Variants in ALX1 observed in about 807,000 individuals in gnomAD.
ALX1 encodes the protein ALX homeobox protein 1.
In ALX1, 19 loss-of-function variants were observed where a neutral mutation model predicts 31.7. That is an observed-to-expected ratio of 0.60 (90% CI 0.42 to 0.88). The LOEUF (loss-of-function observed/expected upper bound fraction) is 0.88, where lower values mean the gene tolerates loss of function less well. Ranked by LOEUF, ALX1 falls within the 40% of genes least tolerant of loss-of-function variation. The pLI, the probability that ALX1 is intolerant of heterozygous loss-of-function variation, is 0.00. For synonymous variants in ALX1, 153 were observed against 148.8 expected (o/e 1.03, Z -0.20); for missense variants, 415 against 407.8 (o/e 1.02, Z -0.15).
intron 3 of ALX1, among the ~76,000 whole-genome samples, chr12:85,295,541 T>G (rs896290657): frequency 9.2e-5 from 14 of 151,558 alleles, no homozygotes; most frequent in African/African-American, 2.9e-4. Context: ...ATGTAAACAT[T>G]ATGCCAAAGA....
chr12:85,281,678 T>C (rs1896676369), intron 1 of ALX1, among the ~76,000 whole-genome samples: 2 of 152,214 alleles, frequency 1.3e-5, no homozygotes, highest in South Asian at 2.1e-4. Flanking sequence ...GTGCAAATGA[T>C]AGAGAAAATA....
At chr12:85,288,905 A>G (rs1896782764) in intron 3 of ALX1, among the ~76,000 whole-genome samples, 1 of 151,470 alleles carries the variant, frequency 6.6e-6, no homozygotes, top group African/African-American at 2.4e-5. Flanking sequence ...AGAAATAACA[A>G]TAAAAATATA....
chr12:85,288,506 G>C (rs1363509252), intron 3 of ALX1, among the ~76,000 whole-genome samples: 1 of 151,430 alleles, frequency 6.6e-6, no homozygotes. Context: ...AGTGCCGTTA[G>C]TTTCTAAACA....
chr12:85,295,499 A>G (rs1289558492), intron 3 of ALX1, among the ~76,000 whole-genome samples: 5 of 151,604 alleles, frequency 3.3e-5, no homozygotes, highest in Non-Finnish European at 7.4e-5. Context: ...ATACATTTAT[A>G]TAGTATTAAA....
chr12:85,280,797 G>A (rs956493009), intron 1 of ALX1, among the ~76,000 whole-genome samples: 2 of 152,128 alleles, frequency 1.3e-5, no homozygotes, highest in Non-Finnish European at 1.5e-5. Context: ...GGAGTAAACT[G>A]ATAGGGCGCT....
intron 2 of ALX1, among the ~76,000 whole-genome samples, chr12:85,285,224 A>G (rs917060325): frequency 6.6e-6 from 1 of 152,076 alleles, no homozygotes; most frequent in Non-Finnish European, 1.5e-5. Flanking sequence ...CCAAGTCTTG[A>G]TTAATTTTTG....
chr12:85,283,807 T>C lies in ALX1; in HGVS notation c.462T>C (p.Thr154=), dbSNP rs745326250. 3.7e-6 allele frequency: 6 copies of C among 1,613,998 alleles called. No individual in the cohort carries two copies. In the African/African-American group the frequency reaches 5.3e-5, roughly 14 times the overall value. Residue 154 remains threonine, a synonymous_variant, in exon 2 of 4, where the codon ACT becomes ACC. Transcript: ENST00000316824. ...LEELEKVFQK[T]HYPDVYVREQ... The stretch of plus-strand genomic sequence containing the variant: ...AGCTGGAGAAAGTCTTTCAGAAAAC[T>C]CATTACCCGGATGTGTATGTCAGAG...
chr12:85,287,304 C>A (rs533519932), intron 3 of ALX1, among the ~76,000 whole-genome samples: 2 of 151,746 alleles, frequency 1.3e-5, no homozygotes, highest in Non-Finnish European at 3.0e-5. Flanking sequence ...GACTCTCTTC[C>A]TTTTGTTAAC....
At chr12:85,282,347 G>T (rs979248790) in intron 1 of ALX1, among the ~76,000 whole-genome samples, 4 of 151,644 alleles carry the variant, frequency 2.6e-5, no homozygotes, top group Non-Finnish European at 5.9e-5. Flanking sequence ...TACGTTAATT[G>T]GCCATCACCT....
At chr12:85,298,397 G>C (rs1896918069) in intron 3 of ALX1, among the ~76,000 whole-genome samples, 2 of 151,722 alleles carry the variant, frequency 1.3e-5, no homozygotes, top group African/African-American at 4.8e-5. Context: ...AATGAACATG[G>C]TCTTGAGCAT....
At chr12:85,288,100 T>C (rs908652597) in intron 3 of ALX1, among the ~76,000 whole-genome samples, 3 of 151,508 alleles carry the variant, frequency 2.0e-5, no homozygotes, top group African/African-American at 7.3e-5. Flanking sequence ...TAATATTATA[T>C]GTTAAATAAA....
intron 1 of ALX1, 72 bp from the exon 2 acceptor site, chr12:85,283,500 T>G (rs1896706812): frequency 6.7e-7 from 1 of 1,491,604 alleles, no homozygotes; most frequent in Non-Finnish European, 9.3e-7. Flanking sequence ...TCTCAATTAC[T>G]TCTACTTATT....
In ALX1 at chr12:85,280,248, A is replaced by T. The variant is rs1168284531; in HGVS notation, c.-14A>T. ...TTCTGTGCCCCAGGAGCTACGCGAC[A>T]GTCTTCCAGGATTATGGAGTTTCTG... On this transcript the variant is annotated 5_prime_UTR_variant, in exon 1 of 4. Transcript: ENST00000316824. 1.2e-6 allele frequency: 2 copies of T among 1,605,398 alleles called. No homozygotes were observed. The highest frequency in any genetic ancestry group is 1.3e-5 in the African/African-American group (1 of 74,600).
intron 2 of ALX1, among the ~76,000 whole-genome samples, chr12:85,285,949 G>C (rs1438714038): frequency 6.6e-6 from 1 of 151,868 alleles, no homozygotes. Flanking sequence ...ACCTGCTGAG[G>C]AAGATGGTTC....
At chr12:85,288,986 C>T (rs1896783426) in intron 3 of ALX1, among the ~76,000 whole-genome samples, 1 of 151,372 alleles carries the variant, frequency 6.6e-6, no homozygotes, top group South Asian at 2.1e-4. Flanking sequence ...AATAAAGTAA[C>T]AAATTATGAG....
chr12:85,281,518 G>C (rs532547957), intron 1 of ALX1, among the ~76,000 whole-genome samples: 1 of 152,082 alleles, frequency 6.6e-6, no homozygotes, highest in Admixed American at 6.5e-5. Flanking sequence ...CTATTTTATA[G>C]AAATTCAAAA....
chr12:85,288,000 C>G lies in ALX1; in HGVS notation c.660+1019C>G, dbSNP rs375319391. 4.0e-5 allele frequency among the ~76,000 whole-genome samples: 6 copies of G among 151,512 alleles called. No individual in the cohort carries two copies. The East Asian group carries it at 7.7e-4, about 20-fold the overall frequency. ...ACAAATTCAGTTCTTTAATGTTGTT[C>G]TTTCCTTGTGTTCCTATGCCTTTTA... On this transcript the variant is annotated intron_variant, in intron 3 of 3. Transcript: ENST00000316824.
rs1304270380 is a variant in ALX1 at position 85,301,400 on chromosome 12, AAGG to A, written c.910_912del (p.Arg304del). The A allele has an allele frequency of 1.9e-6, 3 of 1,614,110 alleles. No individual in the cohort carries two copies. Among genetic ancestry groups the A allele is most frequent in the South Asian group, 1.1e-5 (1 of 91,084 alleles). On this transcript the variant is annotated inframe_deletion, in exon 4 of 4. Transcript: ENST00000316824. Reference sequence around the variant, plus strand: ...CATTTGAAACAAAGCCAGAGTTTGAAAGGAGGTCTTCCAGTATCGCAGTTCTTC... The same window carrying A: ...CATTTGAAACAAAGCCAGAGTTTGAAAGGTCTTCCAGTATCGCAGTTCTTC...
rs368568279 is a variant in ALX1 at position 85,289,792 on chromosome 12, T to A, written c.660+2811T>A. 4.2e-4 allele frequency among the ~76,000 whole-genome samples: 63 copies of A among 151,386 alleles called. No homozygotes were observed. In the East Asian group the frequency reaches 8.5e-3, roughly 20 times the overall value. The stretch of plus-strand genomic sequence containing the variant: ...TTAACTTAAATATATACAAGATACT[T>A]TTTTAGTTTGTTTGAAAAAATAATT... On this transcript the variant is annotated intron_variant, in intron 3 of 3. Coordinates refer to ENST00000316824, the MANE Select transcript of ALX1 (RefSeq NM_006982.3).
Sources: allele counts gnomAD v4.1 joint callset (sites outside exome capture counted in the v4.1 genomes callset), GRCh38; gene constraint gnomAD v4.1.1; transcripts MANE v1.5; gene names NCBI Gene and HGNC (gene_info 2026-07-23, HGNC 2026-07-21).